AGBL4: variants seen among roughly 807,000 people sequenced by gnomAD.
The protein encoded by AGBL4 is cytosolic carboxypeptidase 6.
A neutral mutation model predicts 66.4 loss-of-function variants in AGBL4; 58 were observed. The observed-to-expected ratio is 0.87, with a 90% CI of 0.71 to 1.09. The LOEUF (loss-of-function observed/expected upper bound fraction) is 1.09, where lower values mean the gene tolerates loss of function less well. AGBL4 is among the 50% of genes least tolerant of loss of function. The pLI, the probability that AGBL4 is intolerant of heterozygous loss-of-function variation, is 0.00. For missense variants in AGBL4, 579 were observed against 631.0 expected (o/e 0.92, Z 0.88); for synonymous variants, 234 against 222.9 (o/e 1.05, Z -0.44).
intron 5 of AGBL4, among the ~76,000 whole-genome samples, chr1:49,036,581 T>C (rs1360367050): frequency 2.0e-5 from 3 of 152,038 alleles, no homozygotes; most frequent in Non-Finnish European, 4.4e-5. Flanking sequence ...ATTTATTTAT[T>C]TTAAGACAGA....
intron 9 of AGBL4, among the ~76,000 whole-genome samples, chr1:48,630,636 G>T (rs567413738): frequency 6.6e-6 from 1 of 152,086 alleles, no homozygotes; most frequent in Admixed American, 6.5e-5. Flanking sequence ...TCTCTAGTTC[G>T]GCACCGTCCG....
At chr1:50,007,635 C>T (rs1282910623) in intron 1 of AGBL4, among the ~76,000 whole-genome samples, 1 of 152,030 alleles carries the variant, frequency 6.6e-6, no homozygotes, top group East Asian at 1.9e-4. Context: ...GGTGTGGAAG[C>T]ACATGCCTGT....
At chr1:49,813,005 C>T (rs919078550) in intron 2 of AGBL4, among the ~76,000 whole-genome samples, 3 of 152,060 alleles carry the variant, frequency 2.0e-5, no homozygotes, top group Non-Finnish European at 4.4e-5. Context: ...AGCGCATCAC[C>T]TGCAAGAAAC....
intron 3 of AGBL4, among the ~76,000 whole-genome samples, chr1:49,489,288 T>A (rs1038098476): frequency 6.6e-6 from 1 of 152,014 alleles, no homozygotes; most frequent in African/African-American, 2.4e-5. Flanking sequence ...TCAATGATGT[T>A]GAGCCTCATT....
chr1:48,888,479 G>C (rs1231234504), intron 5 of AGBL4, among the ~76,000 whole-genome samples: 1 of 152,144 alleles, frequency 6.6e-6, no homozygotes, highest in East Asian at 1.9e-4. Flanking sequence ...TTCAGTTAGA[G>C]GCACAACCCT....
intron 4 of AGBL4, among the ~76,000 whole-genome samples, chr1:49,174,293 T>C (rs1646792309): frequency 1.3e-5 from 2 of 152,076 alleles, no homozygotes; most frequent in African/African-American, 4.8e-5. Flanking sequence ...TGAGTTGATA[T>C]TCAGGAGAAA....
intron 3 of AGBL4, among the ~76,000 whole-genome samples, chr1:49,556,638 T>C (rs1407956920): frequency 1.3e-5 from 2 of 152,084 alleles, no homozygotes; most frequent in Non-Finnish European, 2.9e-5. Context: ...GGAGCCCAGC[T>C]GGCTTCGCCT....
At chr1:49,995,031 G>A in intron 1 of AGBL4, 2 of 431,106 alleles carry the variant, frequency 4.6e-6, no homozygotes, top group South Asian at 1.7e-5. Flanking sequence ...GTCTCAGAGG[G>A]GTCCATGGGG....
chr1:49,696,420 A>T (rs1033712490), intron 3 of AGBL4, among the ~76,000 whole-genome samples: 3 of 152,148 alleles, frequency 2.0e-5, no homozygotes, highest in African/African-American at 7.2e-5. Flanking sequence ...AATACGTTCA[A>T]AATACAAGTT....
intron 1 of AGBL4, among the ~76,000 whole-genome samples, chr1:49,952,194 G>A (rs1656217938): frequency 6.6e-6 from 1 of 151,794 alleles, no homozygotes; most frequent in African/African-American, 2.4e-5. Context: ...AAGGTAGAGA[G>A]TGGATAGTAC....
At chr1:49,724,805 G>A (rs189244442) in intron 2 of AGBL4, among the ~76,000 whole-genome samples, 8 of 152,172 alleles carry the variant, frequency 5.3e-5, no homozygotes, top group Non-Finnish European at 1.0e-4. Flanking sequence ...AAAATCATGC[G>A]AGGACGTGGC....
intron 2 of AGBL4, among the ~76,000 whole-genome samples, chr1:49,803,305 G>T (rs1484069401): frequency 6.6e-6 from 1 of 151,994 alleles, no homozygotes; most frequent in Non-Finnish European, 1.5e-5. Flanking sequence ...AAGATCATTA[G>T]CCTAGTCATA....
chr1:48,872,839 C>T (rs1648819456), intron 5 of AGBL4, among the ~76,000 whole-genome samples: 1 of 152,070 alleles, frequency 6.6e-6, no homozygotes, highest in Non-Finnish European at 1.5e-5. Flanking sequence ...GTACGCCAAC[C>T]CCCAGGGGCC....
intron 3 of AGBL4, among the ~76,000 whole-genome samples, chr1:49,293,236 G>A (rs1364947496): frequency 6.6e-6 from 1 of 152,218 alleles, no homozygotes; most frequent in Non-Finnish European, 1.5e-5. Context: ...AGTGTGTGCA[G>A]TGGTCGGACT....
At chr1:49,304,722 A>G (rs1233642605) in intron 3 of AGBL4, among the ~76,000 whole-genome samples, 4 of 152,230 alleles carry the variant, frequency 2.6e-5, no homozygotes, top group Admixed American at 2.6e-4. Flanking sequence ...AAACTTAGAA[A>G]TGATAGACAT....
chr1:49,199,183 A>G lies in AGBL4; in HGVS notation c.377+46587T>C, dbSNP rs533027904. On this transcript the variant is annotated intron_variant, in intron 4 of 13. Transcript: ENST00000371839. ...TATTATGCCCATTTTTCTGATGAGG[A>G]AACGGATGCAGAGAGGTTACACAAC... Among the ~76,000 whole-genome samples, 25 of 152,334 alleles carry G rather than the reference A, an allele frequency of 1.6e-4. No homozygotes were observed. In the South Asian group the frequency reaches 3.1e-3, roughly 19 times the overall value.
rs185260665 is a variant in AGBL4 at position 49,945,163 on chromosome 1, T to C, written c.34+78600A>G. On this transcript the variant is annotated intron_variant, in intron 1 of 13. Coordinates refer to ENST00000371839, the MANE Select transcript of AGBL4 (RefSeq NM_032785.4). ...ATTTGGGGGAATAATTGAGGAAAACTTCCCCCAGCCTTGCTAGAGTCCTAG... is the reference window on the plus strand; with the variant it reads ...ATTTGGGGGAATAATTGAGGAAAACCTCCCCCAGCCTTGCTAGAGTCCTAG... Among the ~76,000 whole-genome samples, 1,204 of 152,172 alleles carry C rather than the reference T, an allele frequency of 7.9e-3. 7 individuals carry two copies. The highest frequency in any genetic ancestry group is 0.013 in the Non-Finnish European group (892 of 67,978).
chr1:48,822,164 C>G (rs922800196), intron 6 of AGBL4, among the ~76,000 whole-genome samples: 1 of 152,140 alleles, frequency 6.6e-6, no homozygotes, highest in East Asian at 1.9e-4. Context: ...ATAATTGATT[C>G]TGCAATTATA....
At chr1:49,919,259 A>T (rs1464128276) in intron 1 of AGBL4, among the ~76,000 whole-genome samples, 3 of 152,294 alleles carry the variant, frequency 2.0e-5, no homozygotes, top group African/African-American at 4.8e-5. Context: ...AGAAAGAAAT[A>T]AAGGGGATTC....
Sources: gnomAD v4.1 joint callset for allele counts (sites outside exome capture counted in the v4.1 genomes callset) on GRCh38, gnomAD v4.1.1 for gene constraint, MANE v1.5 for transcripts, NCBI Gene and HGNC (gene_info 2026-07-23, HGNC 2026-07-21) for gene names.